The following EMILIN2 variants were observed in gnomAD, a reference collection of about 807,000 sequenced individuals.
EMILIN2 encodes the protein elastin microfibril interfacer 2, also known as EMILIN-2.
In EMILIN2, 71 loss-of-function variants were observed where a neutral mutation model predicts 87.1. That is an observed-to-expected ratio of 0.82 (90% CI 0.67 to 0.99). EMILIN2 has a LOEUF of 0.99. Among genes scored for constraint, EMILIN2 ranks in the 50% least tolerant of loss-of-function variants. The pLI, the probability that EMILIN2 is intolerant of heterozygous loss-of-function variation, is 0.00. For synonymous variants in EMILIN2, 581 were observed against 563.4 expected, an observed-to-expected ratio of 1.03 and a Z score of -0.44; for missense variants, 1,407 against 1,371.8, an observed-to-expected ratio of 1.03 and a Z score of -0.40.
chr18:2,852,770 C>T (rs377589204), intron 2 of EMILIN2, among the ~76,000 whole-genome samples: 6 of 152,200 alleles, frequency 3.9e-5, no homozygotes, highest in Admixed American at 6.5e-5. Context: ...CCGCCTGCCT[C>T]GGCCTCCCAA....
intron 3 of EMILIN2, among the ~76,000 whole-genome samples, chr18:2,888,598 C>T (rs1598497814): frequency 6.6e-6 from 1 of 151,670 alleles, no homozygotes; most frequent in East Asian, 1.9e-4. Flanking sequence ...ACCTGTAGTC[C>T]CAGCTACTCG....
chr18:2,895,583 T>C (rs1215779145), intron 4 of EMILIN2, among the ~76,000 whole-genome samples: 1 of 152,214 alleles, frequency 6.6e-6, no homozygotes, highest in Non-Finnish European at 1.5e-5. Context: ...AGCTTGCGGT[T>C]GACTGGAAGG....
At chr18:2,889,511 A>AG (rs2076822345) in intron 3 of EMILIN2, among the ~76,000 whole-genome samples, 1 of 151,848 alleles carries the variant, frequency 6.6e-6, no homozygotes, top group Admixed American at 6.6e-5. Flanking sequence ...AGGTTTCAAT[A>AG]GTCTCCTTTT....
In EMILIN2 at chr18:2,892,311, G is replaced by A; in HGVS notation, c.2184G>A (p.Glu728=). 1 of 1,614,200 alleles carries A rather than the reference G, an allele frequency of 6.2e-7. No individual in the cohort carries two copies. The change falls in exon 4 of 8, where the codon GAG becomes GAA. Residue 728 remains glutamate (E), a synonymous_variant. Coordinates refer to ENST00000254528, the MANE Select transcript of EMILIN2 (RefSeq NM_032048.3). ...CAGGAAATCTTCAGAGGATCAAGGA[G>A]GGGCTCAACAAGCATGTCAGCAGCC... ...SISGNLQRIK[E]GLNKHVSSLW...
At chr18:2,883,018 C>T (rs7241145) in intron 2 of EMILIN2, among the ~76,000 whole-genome samples, 4,621 of 152,118 alleles carry the variant, frequency 0.03, 231 homozygotes, top group African/African-American at 0.1. Context: ...CCAGCCTGGG[C>T]GACCAAGTGA....
intron 4 of EMILIN2, among the ~76,000 whole-genome samples, chr18:2,896,730 G>T (rs1389387879): frequency 1.3e-5 from 2 of 151,860 alleles, no homozygotes; most frequent in Non-Finnish European, 2.9e-5. Context: ...CCAGTGATTC[G>T]CCTGCCTCAG....
chr18:2,906,582 C>T (rs1027883337), intron 4 of EMILIN2: 6 of 391,884 alleles, frequency 1.5e-5, no homozygotes, highest in Non-Finnish European at 2.2e-5. Flanking sequence ...CAGGGGTCCC[C>T]GGCGGCGTCC....
intron 3 of EMILIN2, among the ~76,000 whole-genome samples, chr18:2,888,290 G>T (rs2076812777): frequency 6.6e-6 from 1 of 152,174 alleles, no homozygotes; most frequent in South Asian, 2.1e-4. Context: ...AGTCACCGTG[G>T]TATATGAGCA....
chr18:2,868,219 G>A (rs576962971), intron 2 of EMILIN2, among the ~76,000 whole-genome samples: 12 of 152,052 alleles, frequency 7.9e-5, no homozygotes, highest in South Asian at 4.2e-4. Context: ...GGGCAGAGGC[G>A]CTCCCCACAT....
upstream of EMILIN2, chr18:2,846,736 T>A (rs1029462131): frequency 1.0e-6 from 1 of 985,106 alleles, no homozygotes; most frequent in East Asian, 1.1e-4. This position sits in a 1 kb window ranked among gnomAD's most constrained non-coding sequence, Gnocchi z 5.3. Context: ...GGAGCGAGCC[T>A]GTCGGAAGGT....
Position 2,890,472 on chromosome 18 carries a change from T to A in EMILIN2, c.434-89T>A, listed in dbSNP as rs1435665513. 1 of 1,444,268 alleles carries A rather than the reference T, an allele frequency of 6.9e-7. No homozygotes were observed. The highest frequency in any genetic ancestry group is 1.4e-5 in the African/African-American group (1 of 70,284). The allele number at this position is 1,444,268 out of a possible 1,614,324, so 89.5% of individuals were successfully genotyped here. On this transcript the variant is annotated intron_variant, in intron 3 of 7. Coordinates refer to ENST00000254528, the MANE Select transcript of EMILIN2 (RefSeq NM_032048.3). This position sits in a 1 kb window ranked among gnomAD's most constrained non-coding sequence, Gnocchi z 4.7. ...TGACCTGTAAGTGAAGATGTACATG[T>A]ATTTTGTAGGTACCTTGTTTATTGT...
At chr18:2,910,430 T>C (rs895520569) in intron 7 of EMILIN2, among the ~76,000 whole-genome samples, 1 of 152,212 alleles carries the variant, frequency 6.6e-6, no homozygotes, top group Non-Finnish European at 1.5e-5. Flanking sequence ...CCGAGTTCCC[T>C]GTGTCCCATC....
chr18:2,860,621 T>A (rs1416603611), intron 2 of EMILIN2, among the ~76,000 whole-genome samples: 1 of 152,268 alleles, frequency 6.6e-6, no homozygotes, highest in Non-Finnish European at 1.5e-5. Flanking sequence ...CCACATTTTC[T>A]TAATCCAGTC....
intron 2 of EMILIN2, among the ~76,000 whole-genome samples, chr18:2,883,227 G>GATGTCAAAAGTCCCTCAC (rs2076786008): frequency 6.6e-6 from 1 of 151,430 alleles, no homozygotes. Context: ...CCTCGGGGAG[G>GATGTCAAAAGTCCCTCAC]ATGTCAAAGG....
In EMILIN2 at chr18:2,868,352, C is replaced by T. The variant is rs374706493; in HGVS notation, c.258-16612C>T. ...GCAGAGGGGCTCCTCACATCCCAGA[C>T]GATGGGCGGCCACGCAGAGACACTC... On this transcript the variant is annotated intron_variant, in intron 2 of 7. Coordinates refer to ENST00000254528, the MANE Select transcript of EMILIN2 (RefSeq NM_032048.3). 3.2e-4 allele frequency among the ~76,000 whole-genome samples: 49 copies of T among 152,186 alleles called. No individual in the cohort carries two copies. The South Asian group carries it at 8.3e-3, about 26-fold the overall frequency.
At position 2,913,532 on chromosome 18, in the gene EMILIN2, C is replaced by T. The variant is rs1421682480; in HGVS notation, c.*128C>T. On this transcript the variant is annotated 3_prime_UTR_variant, in exon 8 of 8. Coordinates refer to ENST00000254528, the MANE Select transcript of EMILIN2 (RefSeq NM_032048.3). ...ACATAGGCCCCAACATAAAGGCCTT[C>T]CCTCGCTGTTGAGGCCACCATGCCT... 1.3e-6 allele frequency: 1 copy of T among 746,344 alleles called. No individual in the cohort carries two copies. 46.2% of individuals were successfully genotyped at this position (746,344 alleles called of 1,614,324 possible).
rs1383527344 is a variant in EMILIN2, at chr18:2,869,765, CCT to C, written c.258-15196_258-15195del. Among the ~76,000 whole-genome samples the C allele has an allele frequency of 2.8e-3, 381 of 137,862 alleles. 1 individual carries two copies. Among genetic ancestry groups the C allele is most frequent in the African/African-American group, 0.01 (349 of 34,006 alleles). 90.4% of individuals were successfully genotyped at this position (137,862 alleles called of 152,430 possible). On this transcript the variant is annotated intron_variant, in intron 2 of 7. Coordinates refer to ENST00000254528, the MANE Select transcript of EMILIN2 (RefSeq NM_032048.3). ...ATTACTTTTTGTTGTTGGATAGATT[CCT>C]CTGTGTGTGTGTGTGTGTTTGTGTG...
At chr18:2,886,821 G>C (rs1045504171) in intron 3 of EMILIN2, among the ~76,000 whole-genome samples, 5 of 151,930 alleles carry the variant, frequency 3.3e-5, no homozygotes, top group Admixed American at 3.3e-4. Flanking sequence ...CTCTTCTCTG[G>C]CTCTCTAAAT....
upstream of EMILIN2, chr18:2,846,731 G>A (rs997095257): frequency 4.1e-6 from 4 of 984,994 alleles, no homozygotes; most frequent in South Asian, 9.4e-5. This position sits in a 1 kb window ranked among gnomAD's most constrained non-coding sequence, Gnocchi z 5.3. Context: ...GGCCGGGAGC[G>A]AGCCTGTCGG....
Sources: allele counts gnomAD v4.1 joint callset (sites outside exome capture counted in the v4.1 genomes callset), GRCh38; gene constraint gnomAD v4.1.1; non-coding constraint Gnocchi (gnomAD v3.1); transcripts MANE v1.5; gene names NCBI Gene and HGNC (gene_info 2026-07-23, HGNC 2026-07-21).